The following EIPR1 variants were observed in gnomAD, a reference collection of about 807,000 sequenced individuals.
EIPR1 encodes the protein EARP and GARP complex-interacting protein 1.
EIPR1 carries 25 observed loss-of-function variants against 48.1 expected under a neutral mutation model. That is an observed-to-expected ratio of 0.52 (90% confidence interval 0.38 to 0.73). The LOEUF is 0.73. Among genes scored for constraint, EIPR1 ranks in the 30% least tolerant of loss-of-function variants. The pLI is 0.00. For missense variants in EIPR1, 415 were observed against 506.2 expected, an observed-to-expected ratio of 0.82 and a Z score of 1.73; for synonymous variants, 204 against 201.9, an observed-to-expected ratio of 1.01 and a Z score of -0.09.
chr2:3,223,231 G>A (rs900575867), intron 4 of EIPR1, among the ~76,000 whole-genome samples: 20 of 152,118 alleles, frequency 1.3e-4, no homozygotes, highest in African/African-American at 3.4e-4. Flanking sequence ...TTCCTCCCAC[G>A]GAGTTGACTG....
chr2:3,274,261 C>T (rs1271552990), intron 3 of EIPR1: 2 of 1,516,438 alleles, frequency 1.3e-6, no homozygotes, highest in Non-Finnish European at 8.8e-7. Flanking sequence ...TCTCCAAGTA[C>T]CATAATTAAA....
chr2:3,213,969 T>C (rs1665539040), intron 5 of EIPR1, among the ~76,000 whole-genome samples, 180 bp downstream of exon 5: 1 of 152,170 alleles, frequency 6.6e-6, no homozygotes. Flanking sequence ...TCATTTACAT[T>C]AGGTATGTCT....
chr2:3,306,404 A>G (rs1014845374), intron 3 of EIPR1, among the ~76,000 whole-genome samples: 6 of 152,168 alleles, frequency 3.9e-5, no homozygotes, highest in Non-Finnish European at 7.3e-5. Context: ...TGTCATAAGA[A>G]GTTTGGTTTT....
At position 3,194,725 on chromosome 2, in the gene EIPR1, G is replaced by A. The variant is rs1465686159; in HGVS notation, c.654-559C>T. Among the ~76,000 whole-genome samples, 4 of 151,570 alleles carry A rather than the reference G, an allele frequency of 2.6e-5. No homozygotes were observed. The East Asian group carries it at 5.8e-4, about 22-fold the overall frequency. On this transcript the variant is annotated intron_variant, in intron 6 of 8. Coordinates refer to ENST00000382125, the MANE Select transcript of EIPR1 (RefSeq NM_003310.5). The stretch of plus-strand genomic sequence containing the variant: ...GGGGGCAGTGGGGAAGGCCATGGAA[G>A]CAGGAAGGGGCCGGCTATCTATCTA...
At chr2:3,325,080 C>A (rs1369632256) in intron 3 of EIPR1, among the ~76,000 whole-genome samples, 2 of 152,236 alleles carry the variant, frequency 1.3e-5, no homozygotes, top group Non-Finnish European at 2.9e-5. Context: ...GCCTAGTGAC[C>A]TGCTAGAGCA....
chr2:3,208,651 T>A (rs1381710582), intron 5 of EIPR1: 4 of 1,550,638 alleles, frequency 2.6e-6, no homozygotes, highest in East Asian at 2.4e-5. Flanking sequence ...GCTTGGCATA[T>A]GGCTGACTTC....
Position 3,189,656 on chromosome 2 carries a change from G to A in EIPR1, c.990-148C>T, listed in dbSNP as rs1330818834. Reference sequence around the variant, plus strand: ...CGCTGTGGGATGGGAAGAATTAGAGGAGCCCACACCGAGGACGGTGGGGTG... The same window carrying A: ...CGCTGTGGGATGGGAAGAATTAGAGAAGCCCACACCGAGGACGGTGGGGTG... On this transcript the variant is annotated intron_variant, in intron 8 of 8. Transcript: ENST00000382125. The surrounding 1 kb of genome is among the most constrained non-coding windows in gnomAD (Gnocchi z 4.6). The A allele has an allele frequency of 1.3e-6, 1 of 741,432 alleles. No homozygotes were observed. Among genetic ancestry groups the A allele is most frequent in the Middle Eastern group, 4.3e-4 (1 of 2,316 alleles). 45.9% of individuals were successfully genotyped at this position (741,432 alleles called of 1,614,324 possible). A position where few individuals can be genotyped will look rare whatever the true frequency, so the allele number is the denominator to read the frequency against.
chr2:3,271,158 T>C (rs1291116954), intron 3 of EIPR1, among the ~76,000 whole-genome samples: 1 of 152,238 alleles, frequency 6.6e-6, no homozygotes, highest in East Asian at 1.9e-4. Context: ...CAGGCTCCAC[T>C]TCTAATTCAA....
intron 3 of EIPR1, among the ~76,000 whole-genome samples, chr2:3,321,089 T>C (rs1015395576): frequency 1.3e-4 from 20 of 152,186 alleles, no homozygotes; most frequent in African/African-American, 4.8e-4. Flanking sequence ...AGCATGCTGC[T>C]GAGGGGAACG....
chr2:3,246,766 AG>A (rs1666810263), intron 4 of EIPR1, among the ~76,000 whole-genome samples: 1 of 140,078 alleles, frequency 7.1e-6, no homozygotes, highest in Non-Finnish European at 1.6e-5. Flanking sequence ...AGAGGGAGGA[AG>A]GGAGGGAGAA....
At chr2:3,191,043 A>G (rs1013863955) in intron 8 of EIPR1, among the ~76,000 whole-genome samples, 2 of 152,234 alleles carry the variant, frequency 1.3e-5, no homozygotes, top group Non-Finnish European at 2.9e-5. Flanking sequence ...GCAGTGAGCC[A>G]TGATCGTGCC....
chr2:3,347,217 G>A (rs970561002), intron 2 of EIPR1, among the ~76,000 whole-genome samples: 7 of 152,096 alleles, frequency 4.6e-5, no homozygotes, highest in African/African-American at 1.2e-4. Flanking sequence ...ACCCAGTCTC[G>A]GGTATTTCTA....
chr2:3,290,258 TG>T (rs1668325547), intron 3 of EIPR1, among the ~76,000 whole-genome samples: 1 of 152,204 alleles, frequency 6.6e-6, no homozygotes, highest in Non-Finnish European at 1.5e-5. Flanking sequence ...CAGAATAAGA[TG>T]CACAACGAAG....
Position 3,291,808 on chromosome 2 carries a change from T to C in EIPR1, c.260-34353A>G, listed in dbSNP as rs545168875. Among the ~76,000 whole-genome samples the C allele has an allele frequency of 2.6e-5, 4 of 152,382 alleles. No homozygotes were observed. In the East Asian group the frequency reaches 7.7e-4, roughly 29 times the overall value. Reference sequence around the variant, plus strand: ...CAAAGTTCTCAAATATCAACCTTAGTGCCGTTTTCCTGATTTTCTTGGAGA... The same window carrying C: ...CAAAGTTCTCAAATATCAACCTTAGCGCCGTTTTCCTGATTTTCTTGGAGA... On this transcript the variant is annotated intron_variant, in intron 3 of 8. Coordinates refer to ENST00000382125, the MANE Select transcript of EIPR1 (RefSeq NM_003310.5).
intron 5 of EIPR1, among the ~76,000 whole-genome samples, chr2:3,198,170 G>A (rs910408185): frequency 3.9e-5 from 6 of 152,194 alleles, no homozygotes; most frequent in East Asian, 1.9e-4. Context: ...ATAGGGCACC[G>A]TCTAAGCCAC....
chr2:3,268,404 AGCTC>A lies in EIPR1; in HGVS notation c.260-10953_260-10950del, dbSNP rs578019077. Among the ~76,000 whole-genome samples the A allele has an allele frequency of 3.2e-3, 481 of 152,318 alleles. 4 individuals are homozygous for A. The highest frequency in any genetic ancestry group is 6.8e-3 in the Middle Eastern group (2 of 294). On this transcript the variant is annotated intron_variant, in intron 3 of 8. Transcript: ENST00000382125. ...CCTGCCAATCCAGCGACTGTGGACCAGCTCCAGCCTGGCCAAAGCAGCCACCTCT... is the reference window on the plus strand; with the variant it reads ...CCTGCCAATCCAGCGACTGTGGACCACAGCCTGGCCAAAGCAGCCACCTCT...
intron 1 of EIPR1, chr2:3,377,386 G>A: frequency 2.4e-6 from 1 of 414,762 alleles, no homozygotes; most frequent in Non-Finnish European, 4.3e-6. Context: ...ACCAAAGTGA[G>A]TGATAACTTC....
intron 5 of EIPR1, among the ~76,000 whole-genome samples, chr2:3,205,161 C>A (rs749447313): frequency 4.6e-5 from 7 of 152,148 alleles, no homozygotes; most frequent in Non-Finnish European, 8.8e-5. Flanking sequence ...GCACGGCAAG[C>A]GGGAGGGGCT....
intron 5 of EIPR1, chr2:3,208,488 C>A (rs1247757638): frequency 1.3e-6 from 2 of 1,520,092 alleles, no homozygotes; most frequent in East Asian, 4.9e-5. Context: ...TGGGAGGGGG[C>A]CCAATTATAT....
Sources: gnomAD v4.1 joint callset for allele counts (sites outside exome capture counted in the v4.1 genomes callset) on GRCh38, gnomAD v4.1.1 for gene constraint, Gnocchi (gnomAD v3.1) non-coding constraint, MANE v1.5 for transcripts, NCBI Gene and HGNC (gene_info 2026-07-23, HGNC 2026-07-21) for gene names.